The following NEK1 variants were observed in gnomAD, a reference collection of about 807,000 sequenced individuals.
The protein encoded by NEK1 is NIMA related kinase 1.
Under a neutral mutation model 182.1 loss-of-function variants are expected in NEK1, and 137 were observed. The ratio of observed to expected loss-of-function variants is 0.75; its 90% confidence interval spans 0.65 to 0.87. The LOEUF is 0.87. Among genes scored for constraint, NEK1 ranks in the 40% least tolerant of loss-of-function variants. The probability of loss-of-function intolerance (pLI) is 0.00; values close to 1 mark genes in which losing one functional copy is unlikely to be tolerated. For synonymous variants in NEK1, 513 were observed against 492.2 expected, an observed-to-expected ratio of 1.04 and a Z score of -0.56; for missense variants, 1,391 against 1,494.4, an observed-to-expected ratio of 0.93 and a Z score of 1.14.
Position 169,477,484 on chromosome 4 carries a change from G to A in NEK1, c.2153C>T (p.Thr718Ile). The A allele has an allele frequency of 6.2e-7, 1 of 1,605,756 alleles. No individual in the cohort carries two copies. Among genetic ancestry groups the A allele is most frequent in the Non-Finnish European group, 8.5e-7 (1 of 1,175,288 alleles). The stretch of plus-strand genomic sequence containing the variant: ...CTCTTCTGAAGTTTCCCGGGTATCA[G>A]TTAAACTACTGTCCTTTAAATGCAG... The part of the protein sequence containing the change: ...LKEVGVDSSL[T>I]DTRETSEEMQ... Residue 718 changes from threonine (T) to isoleucine (I), a missense_variant, in exon 25 of 36, where the codon ACT becomes ATT. Thr to Ile is a moderately conservative substitution (Grantham distance 89). Transcript: ENST00000507142.
chr4:169,516,588 T>G (rs946797538), intron 19 of NEK1, among the ~76,000 whole-genome samples: 20 of 70,156 alleles, frequency 2.9e-4, no homozygotes, highest in Admixed American at 6.3e-4. Flanking sequence ...CACGCCTATG[T>G]CCTGAATGGT....
At chr4:169,572,039 C>T (rs1051205215) in intron 12 of NEK1, among the ~76,000 whole-genome samples, 2 of 151,868 alleles carry the variant, frequency 1.3e-5, no homozygotes, top group African/African-American at 2.4e-5. Context: ...CCACCGGGCC[C>T]GGCCGACCCT....
intron 3 of NEK1, 126 bp downstream of exon 3, chr4:169,602,388 G>A (rs967068067): frequency 2.7e-5 from 17 of 637,692 alleles, no homozygotes; most frequent in East Asian, 1.9e-4. Flanking sequence ...TGATATTAGC[G>A]GGAATAAAGG....
Position 169,477,307 on chromosome 4 carries a change from G to C in NEK1, c.2251C>G (p.Gln751Glu), listed in dbSNP as rs752582295. ...LRRLNENLKA[Q>E]EDEKGKQNLS... ...TTCTGCTTTCCTTTTTCATCTTCTT[G>C]AGCTTTAAGATTTTCATTTAATCTA... Residue 751 changes from glutamine (Q) to glutamate (E), a missense_variant, in exon 26 of 36, where the codon CAA becomes GAA. Transcript: ENST00000507142. 17 of 1,584,066 alleles carry C rather than the reference G, an allele frequency of 1.1e-5. No individual in the cohort carries two copies. In the East Asian group the frequency reaches 3.2e-4, roughly 30 times the overall value.
rs577734944 is a variant in NEK1, at chr4:169,476,580, T to C, written c.2434+544A>G. ...GTGAAAAAAATTACTTAAAATCAGA[T>C]TTGTTGATGGTCAGACTTGCCCTTC... On this transcript the variant is annotated intron_variant, in intron 26 of 35. Transcript: ENST00000507142. Among the ~76,000 whole-genome samples, 178 of 152,164 alleles carry C rather than the reference T, an allele frequency of 1.2e-3. 2 individuals are homozygous for C. Among genetic ancestry groups the C allele is most frequent in the African/African-American group, 3.9e-3 (164 of 41,552 alleles).
At chr4:169,575,950 A>G (rs1196430247) in intron 12 of NEK1, among the ~76,000 whole-genome samples, 1 of 151,300 alleles carries the variant, frequency 6.6e-6, no homozygotes, top group Non-Finnish European at 1.5e-5. Context: ...TTATTATTAT[A>G]ATTTTTCTAA....
At chr4:169,595,922 C>CAAAAAAAAAAAAAAAAAAAAAAAAAAAAA (rs56313001) in intron 5 of NEK1, among the ~76,000 whole-genome samples, 1 of 67,204 alleles carries the variant, frequency 1.5e-5, no homozygotes, top group African/African-American at 6.2e-5. Flanking sequence ...GACTCCACCT[C>CAAAAAAAAAAAAAAAAAAAAAAAAAAAAA]AAAAAAAAAA....
intron 4 of NEK1, among the ~76,000 whole-genome samples, chr4:169,599,999 T>C (rs1770213459): frequency 6.6e-6 from 1 of 152,120 alleles, no homozygotes; most frequent in Non-Finnish European, 1.5e-5. Flanking sequence ...TAGCTAGGAC[T>C]ACAAGCCCAT....
intron 18 of NEK1, among the ~76,000 whole-genome samples, chr4:169,550,243 G>C (rs1476954474): frequency 1.1e-4 from 16 of 152,136 alleles, no homozygotes; most frequent in Admixed American, 1.0e-3. Context: ...CTTGTCTGCT[G>C]CAAGACATGA....
intron 27 of NEK1, among the ~76,000 whole-genome samples, chr4:169,438,962 C>T (rs1352671740): frequency 6.6e-6 from 1 of 152,132 alleles, no homozygotes; most frequent in African/African-American, 2.4e-5. Flanking sequence ...GTATTCCACC[C>T]TCTAATCTCT....
chr4:169,465,005 T>C (rs997717469), intron 26 of NEK1, among the ~76,000 whole-genome samples: 1 of 152,084 alleles, frequency 6.6e-6, no homozygotes, highest in Non-Finnish European at 1.5e-5. Flanking sequence ...ACATACAGGA[T>C]ATAATATTAT....
At chr4:169,425,833 T>G (rs1311216421) in intron 30 of NEK1, among the ~76,000 whole-genome samples, 5 of 152,186 alleles carry the variant, frequency 3.3e-5, no homozygotes, top group African/African-American at 1.2e-4. Context: ...TTCTTACATT[T>G]TAACTAATAC....
chr4:169,453,452 T>TAATC (rs1256637058), intron 27 of NEK1, among the ~76,000 whole-genome samples: 1 of 152,210 alleles, frequency 6.6e-6, no homozygotes, highest in African/African-American at 2.4e-5. Context: ...AATCTGGCCA[T>TAATC]AAACTGGCCC....
chr4:169,508,181 A>T, intron 21 of NEK1, 67 bp downstream of exon 21: 1 of 1,355,372 alleles, frequency 7.4e-7, no homozygotes, highest in Non-Finnish European at 1.0e-6. Context: ...TTAATGGCAC[A>T]GCATTTTAAA....
intron 12 of NEK1, 91 bp from the exon 13 acceptor site, chr4:169,562,287 G>A: frequency 1.1e-6 from 1 of 870,420 alleles, no homozygotes; most frequent in Admixed American, 2.9e-5. Flanking sequence ...ATAAGAAAAA[G>A]GTAAAGTCAA....
chr4:169,443,694 T>C (rs1458187642), intron 27 of NEK1, among the ~76,000 whole-genome samples: 1 of 151,742 alleles, frequency 6.6e-6, no homozygotes, highest in Non-Finnish European at 1.5e-5. Context: ...GACACAAAAA[T>C]ATTCAACCCA....
In NEK1 at chr4:169,508,853, C is replaced by T. The variant is rs1395531222; in HGVS notation, c.1666-1G>A. Reference sequence around the variant, plus strand: ...TAGCTGCCAGGTTTTGCAGGATTCCCTGTTTATCATTTAATGTACTAAGTT... The same window carrying T: ...TAGCTGCCAGGTTTTGCAGGATTCCTTGTTTATCATTTAATGTACTAAGTT... On this transcript the variant is annotated splice_acceptor_variant, in intron 19 of 35. Transcript: ENST00000507142. LOFTEE classifies it high-confidence loss of function. The T allele has an allele frequency of 6.3e-7, 1 of 1,586,006 alleles. No homozygotes were observed. The highest frequency in any genetic ancestry group is 8.5e-7 in the Non-Finnish European group (1 of 1,173,302).
chr4:169,398,453 T>C (rs1243079796), intron 35 of NEK1, among the ~76,000 whole-genome samples: 3 of 152,200 alleles, frequency 2.0e-5, no homozygotes, highest in East Asian at 3.8e-4. Context: ...AATTGTTCCT[T>C]TGGTTTCAAT....
chr4:169,555,613 A>G lies in NEK1; in HGVS notation c.1562+107T>C. 6.2e-6 allele frequency: 9 copies of G among 1,455,188 alleles called. No individual in the cohort carries two copies. In the South Asian group the frequency reaches 8.1e-5, roughly 13 times the overall value. 90.1% of individuals were successfully genotyped at this position (1,455,188 alleles called of 1,614,324 possible). On this transcript the variant is annotated intron_variant, in intron 18 of 35. Transcript: ENST00000507142. ...TTGTACCCAAGAGGCAAAAAACATC[A>G]TATGTGAACAATGGAGAAAACATCC...
Sources: gnomAD v4.1 joint callset for allele counts (sites outside exome capture counted in the v4.1 genomes callset) on GRCh38, gnomAD v4.1.1 for gene constraint, MANE v1.5 for transcripts, NCBI Gene and HGNC (gene_info 2026-07-23, HGNC 2026-07-21) for gene names.